The following CAST variants were observed in gnomAD, a reference collection of about 807,000 sequenced individuals.
The protein encoded by CAST is MIR583 host.
CAST carries 76 observed loss-of-function variants against 119.6 expected under a neutral mutation model. That is an observed-to-expected ratio of 0.64 (90% CI 0.53 to 0.77). The LOEUF is 0.77. Among genes scored for constraint, CAST ranks in the 30% least tolerant of loss-of-function variants. CAST has a pLI of 0.00. For missense variants in CAST, 953 were observed against 946.5 expected (o/e 1.01, Z -0.09); for synonymous variants, 319 against 331.6 (o/e 0.96, Z 0.41).
the CAST span, among the ~76,000 whole-genome samples, chr5:96,124,636 C>A: frequency 1.3e-5 from 2 of 152,084 alleles, no homozygotes; most frequent in East Asian, 3.9e-4. Flanking sequence ...TAATTCCTAT[C>A]CTGTAGGATG....
At chr5:96,578,981 C>T (rs1276739871) in intron 1 of CAST, among the ~76,000 whole-genome samples, 1 of 152,198 alleles carries the variant, frequency 6.6e-6, no homozygotes, top group Non-Finnish European at 1.5e-5. Context: ...GGAGCGTCCA[C>T]TGGTTCCTGC....
intron 1 of CAST, among the ~76,000 whole-genome samples, chr5:96,536,043 T>G (rs886572127): frequency 4.0e-5 from 6 of 149,046 alleles, no homozygotes; most frequent in Non-Finnish European, 4.5e-5. Flanking sequence ...TTTTTTTTTT[T>G]TTTTTTTTTT....
At chr5:96,332,420 T>TA in the CAST span, among the ~76,000 whole-genome samples, 5 of 152,144 alleles carry the variant, frequency 3.3e-5, no homozygotes, top group African/African-American at 1.2e-4. Flanking sequence ...TTCGGCTTTT[T>TA]TTTTTTACTT....
the CAST span, among the ~76,000 whole-genome samples, chr5:96,053,189 GC>G: frequency 6.6e-6 from 1 of 152,152 alleles, no homozygotes; most frequent in Non-Finnish European, 1.5e-5. Flanking sequence ...CTCCCGAGGA[GC>G]CTGAAAAACT....
the CAST span, among the ~76,000 whole-genome samples, chr5:96,107,555 A>T: frequency 6.6e-6 from 1 of 151,210 alleles, no homozygotes; most frequent in Non-Finnish European, 1.5e-5. Flanking sequence ...ACTGGCCCCC[A>T]CTCTCTTCTG....
intron 2 of CAST, among the ~76,000 whole-genome samples, chr5:96,687,289 C>A (rs927115320): frequency 2.0e-5 from 3 of 152,094 alleles, no homozygotes; most frequent in Non-Finnish European, 4.4e-5. Context: ...CAGAGATGAA[C>A]GTGGAAGTCC....
At chr5:96,003,168 A>G in the CAST span, among the ~76,000 whole-genome samples, 1 of 152,172 alleles carries the variant, frequency 6.6e-6, no homozygotes, top group Non-Finnish European at 1.5e-5. Context: ...AAAGCCTAGC[A>G]ATTCAAGGCT....
the CAST span, among the ~76,000 whole-genome samples, chr5:96,509,802 T>C: frequency 6.6e-6 from 1 of 152,238 alleles, no homozygotes; most frequent in African/African-American, 2.4e-5. Context: ...TCTGTATGTA[T>C]TTGTACCGTT....
At chr5:96,712,007 C>A (rs955061949) in intron 3 of CAST, among the ~76,000 whole-genome samples, 7 of 152,118 alleles carry the variant, frequency 4.6e-5, no homozygotes, top group Non-Finnish European at 1.0e-4. Context: ...ACTGAAAACA[C>A]CCTTATCCTA....
At chr5:96,203,579 C>A in the CAST span, among the ~76,000 whole-genome samples, 37 of 151,984 alleles carry the variant, frequency 2.4e-4, no homozygotes, top group African/African-American at 8.7e-4. Context: ...AATTAAAATG[C>A]AATATAAAAG....
At chr5:96,294,602 C>A in the CAST span, among the ~76,000 whole-genome samples, 1,652 of 152,340 alleles carry the variant, frequency 0.011, 41 homozygotes, top group African/African-American at 0.038. Context: ...AATCTGTAAG[C>A]ATTTATGCAG....
chr5:96,662,529 T>A, intron 1 of CAST, 32 bp downstream of exon 1: 2 of 1,345,884 alleles, frequency 1.5e-6, no homozygotes, highest in Non-Finnish European at 1.9e-6. Flanking sequence ...GTCGCGGGGC[T>A]GGGCGATGGG....
At chr5:96,546,509 A>C (rs1343982402) in intron 1 of CAST, 1 of 152,012 alleles carries the variant, frequency 6.6e-6, no homozygotes, top group Admixed American at 6.6e-5. Context: ...TTCTAAGCTT[A>C]GTATAAAGAC....
At chr5:96,329,545 C>T in the CAST span, among the ~76,000 whole-genome samples, 1 of 152,196 alleles carries the variant, frequency 6.6e-6, no homozygotes, top group African/African-American at 2.4e-5. Context: ...TGGGGAGCTG[C>T]AGCTAGAAAT....
At chr5:96,081,672 A>T in the CAST span, among the ~76,000 whole-genome samples, 1 of 152,152 alleles carries the variant, frequency 6.6e-6, no homozygotes, top group East Asian at 1.9e-4. Context: ...ACCCACTCCC[A>T]GCCTGCTTCA....
At chr5:95,998,556 C>T in the CAST span, among the ~76,000 whole-genome samples, 1 of 152,138 alleles carries the variant, frequency 6.6e-6, no homozygotes, top group Non-Finnish European at 1.5e-5. Context: ...CTAATGGCCT[C>T]CAGTTCCATC....
the CAST span, among the ~76,000 whole-genome samples, chr5:96,249,216 T>A: frequency 1.6e-4 from 24 of 152,192 alleles, no homozygotes; most frequent in Non-Finnish European, 1.5e-4. Context: ...CGTCATTATT[T>A]TTAATTTGAT....
the CAST span, among the ~76,000 whole-genome samples, chr5:96,295,227 G>GC: frequency 6.6e-6 from 1 of 152,132 alleles, no homozygotes. Flanking sequence ...TGAATCGAAT[G>GC]CCCCCCATGG....
chr5:96,557,638 T>C (rs1268779447), intron 1 of CAST, among the ~76,000 whole-genome samples: 1 of 152,172 alleles, frequency 6.6e-6, no homozygotes, highest in Non-Finnish European at 1.5e-5. Flanking sequence ...AGGGATCAAT[T>C]CAACAAGAAG....
Sources: allele counts gnomAD v4.1 joint callset (sites outside exome capture counted in the v4.1 genomes callset), GRCh38; gene constraint gnomAD v4.1.1; transcripts MANE v1.5; gene names NCBI Gene and HGNC (gene_info 2026-07-23, HGNC 2026-07-21).